The following SMYD3 variants were observed in gnomAD, a reference collection of about 807,000 sequenced individuals.
SMYD3 encodes SET and MYND domain containing 3, also known as histone-lysine N-methyltransferase SMYD3.
A neutral mutation model predicts 57.7 loss-of-function variants in SMYD3; 36 were observed. The observed-to-expected ratio is 0.62, with a 90% CI of 0.48 to 0.82. The LOEUF is 0.82. SMYD3 is among the 40% of genes least tolerant of loss of function. The pLI is 0.00. For synonymous variants in SMYD3, 211 were observed against 195.0 expected (o/e 1.08, Z -0.68); for missense variants, 515 against 538.8 (o/e 0.96, Z 0.44).
At chr1:245,815,449 T>C (rs566159663) in intron 10 of SMYD3, among the ~76,000 whole-genome samples, 5 of 152,322 alleles carry the variant, frequency 3.3e-5, no homozygotes, top group African/African-American at 1.2e-4. Context: ...GTAACCTCCA[T>C]CAGAATAGCT....
At chr1:246,343,734 T>G (rs2065666465) in intron 2 of SMYD3, among the ~76,000 whole-genome samples, 1 of 152,202 alleles carries the variant, frequency 6.6e-6, no homozygotes, top group South Asian at 2.1e-4. Flanking sequence ...GCTAAGATTA[T>G]CTCTGATCCA....
chr1:245,767,524 C>T (rs929090937), intron 10 of SMYD3, among the ~76,000 whole-genome samples: 2 of 152,204 alleles, frequency 1.3e-5, no homozygotes, highest in African/African-American at 4.8e-5. Flanking sequence ...ACAATGTGTG[C>T]TCTGGGAGCA....
chr1:246,111,821 G>A (rs1179279820), intron 5 of SMYD3, among the ~76,000 whole-genome samples: 1 of 152,178 alleles, frequency 6.6e-6, no homozygotes, highest in East Asian at 1.9e-4. Context: ...GGCAGCAATA[G>A]GTCTGCTCAG....
chr1:246,008,745 G>GT (rs995866826), intron 5 of SMYD3, among the ~76,000 whole-genome samples: 33 of 152,156 alleles, frequency 2.2e-4, no homozygotes, highest in Non-Finnish European at 1.3e-4. Context: ...TCTCGGTTTC[G>GT]TTTTTTCATG....
chr1:246,387,694 G>C (rs1302501176), intron 1 of SMYD3, among the ~76,000 whole-genome samples: 1 of 152,164 alleles, frequency 6.6e-6, no homozygotes, highest in Non-Finnish European at 1.5e-5. Context: ...AAAAGTAAGA[G>C]TTCTGAAGGA....
chr1:245,940,633 A>T (rs2057202635), intron 5 of SMYD3, among the ~76,000 whole-genome samples: 1 of 152,230 alleles, frequency 6.6e-6, no homozygotes, highest in Non-Finnish European at 1.5e-5. Context: ...CATCAACAAA[A>T]AAGACTCCAC....
At chr1:246,308,506 G>C (rs1295984454) in intron 5 of SMYD3, among the ~76,000 whole-genome samples, 2 of 152,078 alleles carry the variant, frequency 1.3e-5, no homozygotes, top group African/African-American at 2.4e-5. Flanking sequence ...GTGATATAGA[G>C]AATGAGGGAG....
intron 5 of SMYD3, among the ~76,000 whole-genome samples, chr1:246,315,862 C>T (rs1269312220): frequency 2.6e-5 from 4 of 152,208 alleles, no homozygotes; most frequent in Non-Finnish European, 5.9e-5. Flanking sequence ...CCCAAACTCG[C>T]CTGCTTACCT....
chr1:246,456,399 G>A (rs1417548908), intron 1 of SMYD3, among the ~76,000 whole-genome samples: 1 of 152,140 alleles, frequency 6.6e-6, no homozygotes, highest in Non-Finnish European at 1.5e-5. Flanking sequence ...ACACAAGGTC[G>A]AGACCCACTG....
intron 5 of SMYD3, among the ~76,000 whole-genome samples, chr1:246,130,050 G>A (rs1022069753): frequency 6.6e-6 from 1 of 152,144 alleles, no homozygotes; most frequent in African/African-American, 2.4e-5. Context: ...TGAGTTGCAA[G>A]TACAATATTG....
intron 5 of SMYD3, among the ~76,000 whole-genome samples, chr1:246,264,812 TG>T (rs2064073630): frequency 6.6e-6 from 1 of 152,122 alleles, no homozygotes; most frequent in Non-Finnish European, 1.5e-5. Context: ...AGAAAGACAG[TG>T]GGGATAGTGA....
At chr1:246,344,625 A>G (rs1468075588) in intron 2 of SMYD3, among the ~76,000 whole-genome samples, 1 of 152,218 alleles carries the variant, frequency 6.6e-6, no homozygotes, top group Non-Finnish European at 1.5e-5. Flanking sequence ...CAGTAAGTAC[A>G]CCTTTAACAT....
chr1:245,803,279 A>G (rs893589893), intron 10 of SMYD3, among the ~76,000 whole-genome samples: 1 of 152,230 alleles, frequency 6.6e-6, no homozygotes, highest in Non-Finnish European at 1.5e-5. Context: ...ACTGGGGCAC[A>G]GGAGAGGTGC....
chr1:246,264,959 A>G (rs924515425), intron 5 of SMYD3, among the ~76,000 whole-genome samples: 1 of 152,264 alleles, frequency 6.6e-6, no homozygotes, highest in Non-Finnish European at 1.5e-5. Flanking sequence ...TTTCCAACTG[A>G]TAATTGTGAA....
intron 8 of SMYD3, among the ~76,000 whole-genome samples, chr1:245,882,371 T>G (rs978406200): frequency 6.6e-6 from 1 of 152,114 alleles, no homozygotes. Context: ...CCCCCATATA[T>G]CTTATGTATT....
chr1:245,757,991 C>A (rs2045681657), intron 11 of SMYD3, among the ~76,000 whole-genome samples: 1 of 152,102 alleles, frequency 6.6e-6, no homozygotes, highest in East Asian at 1.9e-4. Flanking sequence ...ATAGAGATTG[C>A]ATTGAATCTG....
At chr1:246,129,731 T>A (rs1402000672) in intron 5 of SMYD3, among the ~76,000 whole-genome samples, 1 of 152,170 alleles carries the variant, frequency 6.6e-6, no homozygotes, top group Non-Finnish European at 1.5e-5. Context: ...TCACGTAACA[T>A]GAATAATTTC....
intron 5 of SMYD3, chr1:246,326,368 C>T: frequency 1.4e-6 from 1 of 699,970 alleles, no homozygotes. Context: ...GGGTAAATAT[C>T]AAGAAGCAAT....
intron 1 of SMYD3, among the ~76,000 whole-genome samples, chr1:246,439,949 C>CA (rs970086916): frequency 8.6e-5 from 13 of 151,314 alleles, no homozygotes; most frequent in South Asian, 4.2e-4. Context: ...GACCTTGTCT[C>CA]AAAAAAAAGT....
Sources: allele counts gnomAD v4.1 joint callset (sites outside exome capture counted in the v4.1 genomes callset), GRCh38; gene constraint gnomAD v4.1.1; transcripts MANE v1.5; gene names NCBI Gene and HGNC (gene_info 2026-07-23, HGNC 2026-07-21).